Variants in IL1RAPL2 observed in about 807,000 individuals in gnomAD.
The protein encoded by IL1RAPL2 is X-linked interleukin-1 receptor accessory protein-like 2.
IL1RAPL2 carries 3 observed loss-of-function variants against 44.1 expected under a neutral mutation model. The observed-to-expected ratio is 0.07, with a 90% CI of 0.03 to 0.18. The LOEUF (loss-of-function observed/expected upper bound fraction) is 0.18. Among genes scored for constraint, IL1RAPL2 ranks in the 10% least tolerant of loss-of-function variants. The pLI is 1.00. For synonymous variants in IL1RAPL2, 181 were observed against 178.8 expected, an observed-to-expected ratio of 1.01 and a Z score of -0.10; for missense variants, 391 against 496.4, an observed-to-expected ratio of 0.79 and a Z score of 2.02.
In IL1RAPL2 at chrX:104,802,578, G is replaced by A. The variant is rs138518757; in HGVS notation, c.82+143583G>A. ...CGCACAATTTTAAATCATTTCAGCC[G>A]CTGTATGCACAGTTTTGTATTTTGC... On this transcript the variant is annotated intron_variant, in intron 2 of 10. Transcript: ENST00000372582. Among the ~76,000 whole-genome samples the A allele has an allele frequency of 3.0e-4, 33 of 110,870 alleles. No homozygotes were observed. In the East Asian group the frequency reaches 3.1e-3, roughly 11 times the overall value.
chrX:105,317,822 G>A (rs1353013786), intron 5 of IL1RAPL2, among the ~76,000 whole-genome samples: 1 of 110,752 alleles, frequency 9.0e-6, no homozygotes, highest in Non-Finnish European at 1.9e-5. Flanking sequence ...ACTTCTGTGA[G>A]GTAGCTACCA....
chrX:105,196,062 G>A (rs782644197), intron 3 of IL1RAPL2, among the ~76,000 whole-genome samples: 2 of 111,012 alleles, frequency 1.8e-5, no homozygotes, highest in South Asian at 7.7e-4. Flanking sequence ...TGGGTGGATC[G>A]CCTGAGGTCA....
intron 5 of IL1RAPL2, among the ~76,000 whole-genome samples, chrX:105,337,705 C>A (rs2035038866): frequency 8.9e-6 from 1 of 111,774 alleles, no homozygotes; most frequent in Non-Finnish European, 1.9e-5. Flanking sequence ...TCCTGGCTAA[C>A]ATGGTGAAAC....
chrX:105,252,835 C>T (rs1303897194), intron 4 of IL1RAPL2, among the ~76,000 whole-genome samples: 1 of 111,628 alleles, frequency 9.0e-6, no homozygotes, highest in African/African-American at 3.3e-5. Flanking sequence ...TACACGGTGG[C>T]AGAGCTGAAT....
chrX:105,721,939 C>T (rs753899729), intron 7 of IL1RAPL2, among the ~76,000 whole-genome samples: 1 of 112,316 alleles, frequency 8.9e-6, no homozygotes, highest in South Asian at 3.7e-4. Flanking sequence ...ACTACAGGCA[C>T]ATACCACCAT....
intron 2 of IL1RAPL2, among the ~76,000 whole-genome samples, chrX:105,145,727 T>G (rs746490234): frequency 9.0e-6 from 1 of 111,309 alleles, no homozygotes; most frequent in South Asian, 3.8e-4. Context: ...CAGCCTGCAC[T>G]AATGTCAGAA....
intron 2 of IL1RAPL2, among the ~76,000 whole-genome samples, chrX:104,818,269 G>A (rs913585285): frequency 2.9e-5 from 3 of 103,119 alleles, no homozygotes; most frequent in African/African-American, 3.6e-5. Context: ...GAGTGAACCC[G>A]GGAGGCAGAG....
At chrX:104,574,849 G>A (rs998802573) in intron 1 of IL1RAPL2, among the ~76,000 whole-genome samples, 3 of 111,979 alleles carry the variant, frequency 2.7e-5, no homozygotes, top group African/African-American at 9.7e-5. Flanking sequence ...ATCTATGTGT[G>A]CATATAAGCA....
At chrX:104,617,201 C>T (rs1019914852) in intron 1 of IL1RAPL2, among the ~76,000 whole-genome samples, 4 of 111,939 alleles carry the variant, frequency 3.6e-5, no homozygotes, top group African/African-American at 1.3e-4. Context: ...GGCCCAGAAT[C>T]TCTCTTGGCT....
At chrX:105,498,188 T>C (rs951409947) in intron 6 of IL1RAPL2, among the ~76,000 whole-genome samples, 1 of 112,034 alleles carries the variant, frequency 8.9e-6, no homozygotes, top group Non-Finnish European at 1.9e-5. Context: ...AACTAATAAA[T>C]TCAACAAATT....
intron 2 of IL1RAPL2, among the ~76,000 whole-genome samples, chrX:104,809,800 G>T (rs1932958970): frequency 9.0e-6 from 1 of 111,381 alleles, no homozygotes; most frequent in African/African-American, 3.3e-5. Context: ...TGAAGTCCTT[G>T]CCCATGCCTA....
chrX:104,907,886 TA>T (rs991056338), intron 2 of IL1RAPL2, among the ~76,000 whole-genome samples: 3 of 109,957 alleles, frequency 2.7e-5, no homozygotes, highest in Admixed American at 9.8e-5. Flanking sequence ...TTGATCTGTC[TA>T]ATGTTGACAG....
At chrX:105,540,390 T>G (rs923043861) in intron 6 of IL1RAPL2, among the ~76,000 whole-genome samples, 2 of 110,787 alleles carry the variant, frequency 1.8e-5, no homozygotes, top group Admixed American at 1.9e-4. Context: ...GCAGCAACAT[T>G]GATGCAGCTG....
intron 5 of IL1RAPL2, among the ~76,000 whole-genome samples, chrX:105,305,322 T>G (rs983294137): frequency 1.8e-5 from 2 of 110,756 alleles, no homozygotes; most frequent in Non-Finnish European, 3.8e-5. Flanking sequence ...AGAGGATAGA[T>G]CTCATCTTAG....
chrX:105,126,384 C>G (rs958521875), intron 2 of IL1RAPL2, among the ~76,000 whole-genome samples: 3 of 110,660 alleles, frequency 2.7e-5, no homozygotes, highest in Admixed American at 9.6e-5. Flanking sequence ...CTGATCTGCC[C>G]TCTCTCTAGG....
intron 6 of IL1RAPL2, among the ~76,000 whole-genome samples, chrX:105,641,615 A>G (rs1041547861): frequency 8.9e-6 from 1 of 112,021 alleles, no homozygotes; most frequent in Non-Finnish European, 1.9e-5. Flanking sequence ...TTTAAAAGAA[A>G]TAAAACCTCT....
chrX:104,655,682 C>T (rs1190206778), intron 1 of IL1RAPL2, among the ~76,000 whole-genome samples: 2 of 111,614 alleles, frequency 1.8e-5, no homozygotes, highest in East Asian at 5.6e-4. Context: ...TGATGCTGGC[C>T]TCATAAAATG....
intron 1 of IL1RAPL2, among the ~76,000 whole-genome samples, chrX:104,584,642 A>G (rs1220621509): frequency 2.7e-5 from 3 of 111,095 alleles, no homozygotes; most frequent in Non-Finnish European, 5.7e-5. Context: ...CTGTTCAACC[A>G]TGGGTTTTTG....
chrX:104,701,567 C>T (rs750460181), intron 2 of IL1RAPL2, among the ~76,000 whole-genome samples: 6 of 111,904 alleles, frequency 5.4e-5, no homozygotes, highest in Non-Finnish European at 1.1e-4. Context: ...TCTAGAAAAA[C>T]CATCAGAGTC....
Sources: gnomAD v4.1 joint callset for allele counts (sites outside exome capture counted in the v4.1 genomes callset) on GRCh38, gnomAD v4.1.1 for gene constraint, MANE v1.5 for transcripts, NCBI Gene and HGNC (gene_info 2026-07-23, HGNC 2026-07-21) for gene names.